The following EPS8 variants were observed in gnomAD, a reference collection of about 807,000 sequenced individuals.
EPS8 encodes the protein epidermal growth factor receptor kinase substrate 8.
EPS8 carries 42 observed loss-of-function variants against 103.8 expected under a neutral mutation model. The ratio of observed to expected loss-of-function variants is 0.40; its 90% CI spans 0.32 to 0.52. EPS8 has a LOEUF of 0.52. Among genes scored for constraint, EPS8 ranks in the 20% least tolerant of loss-of-function variants. EPS8 has a pLI of 0.40. For synonymous variants in EPS8, 344 were observed against 344.6 expected (o/e 1.00, Z 0.02); for missense variants, 969 against 1,005.1 (o/e 0.96, Z 0.49).
rs1370970187 is a variant in EPS8, at chr12:15,621,266, G to T, written c.*51C>A. ...TCCCTTCAAGGCTTCTTAAAACAAAGCATGTTGGAATAATGCCAAAAACAA... is the reference window on the plus strand; with the variant it reads ...TCCCTTCAAGGCTTCTTAAAACAAATCATGTTGGAATAATGCCAAAAACAA... On this transcript the variant is annotated 3_prime_UTR_variant, in exon 21 of 21. Coordinates refer to ENST00000281172, the MANE Select transcript of EPS8 (RefSeq NM_004447.6). 2.2e-6 allele frequency: 2 copies of T among 914,976 alleles called. No individual in the cohort carries two copies. Among genetic ancestry groups the T allele is most frequent in the Non-Finnish European group, 3.3e-6 (2 of 601,128 alleles). 56.7% of individuals were successfully genotyped at this position (914,976 alleles called of 1,614,324 possible). A position where few individuals can be genotyped will look rare whatever the true frequency, so the allele number is the denominator to read the frequency against.
In EPS8 at chr12:15,650,846, C is replaced by T. The variant is rs1430004578; in HGVS notation, c.1411G>A (p.Glu471Lys). 8.7e-6 allele frequency: 14 copies of T among 1,612,188 alleles called. No individual in the cohort carries two copies. The highest frequency in any genetic ancestry group is 1.1e-5 in the South Asian group (1 of 90,434). The change falls in exon 14 of 21, where the codon GAA becomes AAA. Residue 471 changes from glutamate to lysine, a missense_variant. By Grantham distance (56) the Glu-to-Lys change is moderately conservative. Transcript: ENST00000281172. The stretch of plus-strand genomic sequence containing the variant: ...ACCTCTGTGGATAATCTTTTTATTT[C>T]CTGTTTGCGCTGATGTTCTGCTACA... Reference protein sequence around the residue: ...ANVAEHQRKQEIKRLSTEHSS... With the variant: ...ANVAEHQRKQKIKRLSTEHSS...
intron 6 of EPS8, 59 bp from the exon 7 acceptor site, chr12:15,666,581 G>C (rs1222424554): frequency 3.4e-6 from 4 of 1,193,496 alleles, no homozygotes; most frequent in Non-Finnish European, 5.0e-6. Flanking sequence ...TTGATATGTA[G>C]TTTAAAACAG....
chr12:15,651,729 T>A (rs529525827), intron 13 of EPS8, among the ~76,000 whole-genome samples: 1 of 152,324 alleles, frequency 6.6e-6, no homozygotes, highest in Non-Finnish European at 1.5e-5. Context: ...TCATCTTTCA[T>A]ATTTAATTCT....
intron 1 of EPS8, among the ~76,000 whole-genome samples, chr12:15,782,982 GTACAA>G (rs1947275159): frequency 1.3e-5 from 2 of 152,098 alleles, no homozygotes; most frequent in Admixed American, 6.6e-5. Flanking sequence ...ATCCTGTTTG[GTACAA>G]TACCATAAAC....
In EPS8 at chr12:15,706,757, A is replaced by G. The variant is rs566921290; in HGVS notation, c.-21-23785T>C. Among the ~76,000 whole-genome samples the G allele has an allele frequency of 5.3e-5, 8 of 152,238 alleles. No individual in the cohort carries two copies. Among genetic ancestry groups the G allele is most frequent in the African/African-American group, 1.4e-4 (6 of 41,566 alleles). ...TATGTTTTTTTTTACAACTTATCCAAAGATATTCTTCCTTGGGCAAATTTT... is the reference window on the plus strand; with the variant it reads ...TATGTTTTTTTTTACAACTTATCCAGAGATATTCTTCCTTGGGCAAATTTT... On this transcript the variant is annotated intron_variant, in intron 1 of 20. Coordinates refer to ENST00000281172, the MANE Select transcript of EPS8 (RefSeq NM_004447.6). The surrounding 1 kb of genome is among the most constrained non-coding windows in gnomAD (Gnocchi z 5.2).
Position 15,776,819 on chromosome 12 carries a change from A to G in EPS8, c.-22+12342T>C, listed in dbSNP as rs1947210832. 6.6e-6 allele frequency among the ~76,000 whole-genome samples: 1 copy of G among 152,062 alleles called. No individual in the cohort carries two copies. Among genetic ancestry groups the G allele is most frequent in the Non-Finnish European group, 1.5e-5 (1 of 67,990 alleles). On this transcript the variant is annotated intron_variant, in intron 1 of 20. Coordinates refer to ENST00000281172, the MANE Select transcript of EPS8 (RefSeq NM_004447.6). This position sits in a 1 kb window ranked among gnomAD's most constrained non-coding sequence, Gnocchi z 4.2. ...TATTTTTATATCAGATTCTACCACC[A>G]CTTGTTTTCCCAATCATTTTATCAC...
Position 15,759,507 on chromosome 12 carries a change from C to T in EPS8, c.-22+29654G>A, listed in dbSNP as rs1241053705. On this transcript the variant is annotated intron_variant, in intron 1 of 20. Transcript: ENST00000281172. This position sits in a 1 kb window ranked among gnomAD's most constrained non-coding sequence, Gnocchi z 4.9. The stretch of plus-strand genomic sequence containing the variant: ...GTCTCTTAAACTTCAGTAGGAAAAA[C>T]AGAATTCCAATTGTGTTTTCATTAT... Among the ~76,000 whole-genome samples, 2 of 152,004 alleles carry T rather than the reference C, an allele frequency of 1.3e-5. No individual in the cohort carries two copies. Among genetic ancestry groups the T allele is most frequent in the African/African-American group, 4.8e-5 (2 of 41,424 alleles).
In EPS8 at chr12:15,650,848, T is replaced by G; in HGVS notation, c.1409A>C (p.Gln470Pro). ...CTCTGTGGATAATCTTTTTATTTCC[T>G]GTTTGCGCTGATGTTCTGCTACATT... The part of the protein sequence containing the change: ...VANVAEHQRK[Q>P]EIKRLSTEHS... Residue 470 changes from glutamine (Q) to proline (P), a missense_variant, in exon 14 of 21, where the codon CAG becomes CCG. By Grantham distance (76) the Gln-to-Pro change is moderately conservative (BLOSUM62 -1). Transcript: ENST00000281172. 1 of 1,614,120 alleles carries G rather than the reference T, an allele frequency of 6.2e-7. No homozygotes were observed. Among genetic ancestry groups the G allele is most frequent in the Non-Finnish European group, 8.5e-7 (1 of 1,179,980 alleles).
At chr12:15,649,310 C>A (rs1274288181) in intron 14 of EPS8, among the ~76,000 whole-genome samples, 1 of 152,152 alleles carries the variant, frequency 6.6e-6, no homozygotes, top group Non-Finnish European at 1.5e-5. Context: ...CTGAGGCATA[C>A]ATTATAAAGT....
In EPS8 at chr12:15,760,511, G is replaced by A. The variant is rs531142633; in HGVS notation, c.-22+28650C>T. On this transcript the variant is annotated intron_variant, in intron 1 of 20. Coordinates refer to ENST00000281172, the MANE Select transcript of EPS8 (RefSeq NM_004447.6). The surrounding 1 kb of genome is among the most constrained non-coding windows in gnomAD (Gnocchi z 4.5). ...AAGACATACCAAAAAGGGAAACTAT[G>A]AGCCATATCTCCAATAAATATTGAT... Among the ~76,000 whole-genome samples, 1 of 152,046 alleles carries A rather than the reference G, an allele frequency of 6.6e-6. No individual in the cohort carries two copies. Among genetic ancestry groups the A allele is most frequent in the African/African-American group, 2.4e-5 (1 of 41,544 alleles).
intron 1 of EPS8, among the ~76,000 whole-genome samples, chr12:15,719,198 C>T (rs1946566805): frequency 6.6e-6 from 1 of 151,450 alleles, no homozygotes; most frequent in African/African-American, 2.4e-5. Flanking sequence ...TATATATAAA[C>T]ATACATATAT....
chr12:15,683,022 T>C (rs867780005), intron 1 of EPS8, 50 bp from the exon 2 acceptor site: 1 of 939,642 alleles, frequency 1.1e-6, no homozygotes, highest in Non-Finnish European at 1.6e-6. Flanking sequence ...GGTCAAGACA[T>C]CTCAGTTTCA....
In EPS8 at chr12:15,735,336, C is replaced by T. The variant is rs1344203630; in HGVS notation, c.-21-52364G>A. ...CTTAAGAAATATATTTCATTCTTCCCTATACTTTTTTGCTCCCTCTTTTTT... is the reference window on the plus strand; with the variant it reads ...CTTAAGAAATATATTTCATTCTTCCTTATACTTTTTTGCTCCCTCTTTTTT... On this transcript the variant is annotated intron_variant, in intron 1 of 20. Coordinates refer to ENST00000281172, the MANE Select transcript of EPS8 (RefSeq NM_004447.6). This position sits in a 1 kb window ranked among gnomAD's most constrained non-coding sequence, Gnocchi z 4.4. 1.3e-5 allele frequency among the ~76,000 whole-genome samples: 2 copies of T among 152,158 alleles called. No homozygotes were observed. Among genetic ancestry groups the T allele is most frequent in the Non-Finnish European group, 2.9e-5 (2 of 68,026 alleles).
At chr12:15,659,595 C>T (rs1206149621) in intron 10 of EPS8, among the ~76,000 whole-genome samples, 5 of 152,112 alleles carry the variant, frequency 3.3e-5, no homozygotes, top group Admixed American at 1.3e-4. Flanking sequence ...AGAGGAAGCA[C>T]ATCCATGTAT....
intron 3 of EPS8, among the ~76,000 whole-genome samples, chr12:15,671,276 ATC>A (rs910880990): frequency 6.6e-6 from 1 of 152,144 alleles, no homozygotes; most frequent in African/African-American, 2.4e-5. Context: ...TATAAATTTC[ATC>A]TGTTACTGCA....
In EPS8 at chr12:15,776,323, A is replaced by G. The variant is rs143069296; in HGVS notation, c.-22+12838T>C. Among the ~76,000 whole-genome samples, 41 of 152,260 alleles carry G rather than the reference A, an allele frequency of 2.7e-4. No homozygotes were observed. The East Asian group carries it at 5.4e-3, about 20-fold the overall frequency. The stretch of plus-strand genomic sequence containing the variant: ...ACTAGTTTATCTAGCCTTAAAAGTT[A>G]AGCCATGTTCTCAAGTCAGCCCCTG... On this transcript the variant is annotated intron_variant, in intron 1 of 20. Transcript: ENST00000281172. This position sits in a 1 kb window ranked among gnomAD's most constrained non-coding sequence, Gnocchi z 4.2.
rs892621486 is a variant in EPS8 at position 15,747,876 on chromosome 12, C to T, written c.-22+41285G>A. Among the ~76,000 whole-genome samples, 1 of 151,946 alleles carries T rather than the reference C, an allele frequency of 6.6e-6. No individual in the cohort carries two copies. The highest frequency in any genetic ancestry group is 1.5e-5 in the Non-Finnish European group (1 of 67,992). ...TCTACTAAAAATACAAAGAATTAGC[C>T]GGACGTGGTGGCAGGCACCTGTAGT... is the stretch of plus-strand genomic sequence containing the variant. On this transcript the variant is annotated intron_variant, in intron 1 of 20. Coordinates refer to ENST00000281172, the MANE Select transcript of EPS8 (RefSeq NM_004447.6). This position sits in a 1 kb window ranked among gnomAD's most constrained non-coding sequence, Gnocchi z 4.4.
chr12:15,747,716 T>C lies in EPS8; in HGVS notation c.-22+41445A>G, dbSNP rs901401289. ...TGATTTCAATATAAAACAGGACAAA[T>C]ACTCCAATTTAAGAAAAAAAATAGC... On this transcript the variant is annotated intron_variant, in intron 1 of 20. Coordinates refer to ENST00000281172, the MANE Select transcript of EPS8 (RefSeq NM_004447.6). The surrounding 1 kb of genome is among the most constrained non-coding windows in gnomAD (Gnocchi z 4.4). 6.6e-6 allele frequency among the ~76,000 whole-genome samples: 1 copy of C among 151,976 alleles called. No homozygotes were observed. The highest frequency in any genetic ancestry group is 1.5e-5 in the Non-Finnish European group (1 of 68,004).
rs1946771000 is a variant in EPS8, at chr12:15,736,785, C to A, written c.-22+52376G>T. Among the ~76,000 whole-genome samples the A allele has an allele frequency of 6.6e-6, 1 of 151,980 alleles. No homozygotes were observed. The highest frequency in any genetic ancestry group is 6.6e-5 in the Admixed American group (1 of 15,264). On this transcript the variant is annotated intron_variant, in intron 1 of 20. Transcript: ENST00000281172. The surrounding 1 kb of genome is among the most constrained non-coding windows in gnomAD (Gnocchi z 4.2). ...ATCCTCAGAGTATGTGATATAGAAC[C>A]ATACAACCAAGCATATGTCAATACC...
Sources: allele counts gnomAD v4.1 joint callset (sites outside exome capture counted in the v4.1 genomes callset), GRCh38; gene constraint gnomAD v4.1.1; non-coding constraint Gnocchi (gnomAD v3.1); transcripts MANE v1.5; gene names NCBI Gene and HGNC (gene_info 2026-07-23, HGNC 2026-07-21).